Variants in SEMA3A observed in about 807,000 individuals in gnomAD.
SEMA3A encodes semaphorin-3A.
SEMA3A carries 29 observed loss-of-function variants against 97.9 expected under a neutral mutation model. The ratio of observed to expected loss-of-function variants is 0.30; its 90% CI spans 0.22 to 0.40. SEMA3A has a LOEUF of 0.40. Among genes scored for constraint, SEMA3A ranks in the 10% least tolerant of loss-of-function variants. SEMA3A has a pLI of 1.00. For synonymous variants in SEMA3A, 321 were observed against 323.7 expected, an observed-to-expected ratio of 0.99 and a Z score of 0.09; for missense variants, 763 against 951.3, an observed-to-expected ratio of 0.80 and a Z score of 2.60.
intron 3 of SEMA3A, among the ~76,000 whole-genome samples, chr7:84,213,018 C>A (rs1277285861): frequency 2.0e-5 from 3 of 152,122 alleles, no homozygotes; most frequent in Non-Finnish European, 2.9e-5. Context: ...GGCTGGAGTG[C>A]AATGGCTCTA....
intron 12 of SEMA3A, among the ~76,000 whole-genome samples, chr7:83,986,043 C>T (rs888123299): frequency 6.6e-6 from 1 of 152,154 alleles, no homozygotes; most frequent in Non-Finnish European, 1.5e-5. Context: ...TGTGTTTGGA[C>T]ATGATTACAA....
At chr7:84,143,958 C>CTA (rs1270086988) in intron 1 of SEMA3A, among the ~76,000 whole-genome samples, 20 of 135,234 alleles carry the variant, frequency 1.5e-4, no homozygotes, top group African/African-American at 6.0e-4. Flanking sequence ...CTAACACACA[C>CTA]ACACACACAC....
chr7:84,446,018 G>C (rs1434595198), intron 1 of SEMA3A, among the ~76,000 whole-genome samples: 1 of 152,000 alleles, frequency 6.6e-6, no homozygotes, highest in Admixed American at 6.5e-5. Flanking sequence ...AGGAGTGTGG[G>C]AATATTATTA....
chr7:84,406,314 T>C (rs1324968110), intron 1 of SEMA3A, among the ~76,000 whole-genome samples: 2 of 152,114 alleles, frequency 1.3e-5, no homozygotes, highest in African/African-American at 4.8e-5. Flanking sequence ...ATGGATAAAT[T>C]CCTTGACACA....
At chr7:83,968,620 G>A (rs1788800500) in intron 15 of SEMA3A, among the ~76,000 whole-genome samples, 1 of 151,978 alleles carries the variant, frequency 6.6e-6, no homozygotes, top group Non-Finnish European at 1.5e-5. Flanking sequence ...CCGCATGTCT[G>A]TCTTTGTTCT....
chr7:84,379,996 G>A (rs894783237), intron 1 of SEMA3A, among the ~76,000 whole-genome samples: 5 of 152,162 alleles, frequency 3.3e-5, no homozygotes, highest in Admixed American at 2.6e-4. Flanking sequence ...GTGAGATTGA[G>A]TTTAGCATAT....
chr7:84,070,422 T>C (rs1163356599), intron 4 of SEMA3A, among the ~76,000 whole-genome samples: 2 of 152,120 alleles, frequency 1.3e-5, no homozygotes, highest in Non-Finnish European at 2.9e-5. Context: ...TGGCAATAAA[T>C]TTCCTAAATC....
At chr7:84,142,008 A>G (rs2116075723) in intron 1 of SEMA3A, among the ~76,000 whole-genome samples, 1 of 152,308 alleles carries the variant, frequency 6.6e-6, no homozygotes, top group Middle Eastern at 3.4e-3. Flanking sequence ...CCCACACAAG[A>G]CACAAGTGTC....
chr7:84,242,816 C>G (rs1799395950), intron 3 of SEMA3A, among the ~76,000 whole-genome samples: 1 of 152,050 alleles, frequency 6.6e-6, no homozygotes, highest in Non-Finnish European at 1.5e-5. Context: ...TCTATCAATA[C>G]CTAGTTTATT....
chr7:84,190,738 C>A (rs892822156), intron 1 of SEMA3A, among the ~76,000 whole-genome samples: 1 of 147,498 alleles, frequency 6.8e-6, no homozygotes, highest in African/African-American at 2.5e-5. Context: ...AATATATATA[C>A]ACACACACAT....
At chr7:84,119,025 CTTG>C (rs1795519674) in intron 3 of SEMA3A, among the ~76,000 whole-genome samples, 2 of 152,108 alleles carry the variant, frequency 1.3e-5, no homozygotes, top group South Asian at 4.1e-4. Flanking sequence ...TACACACATG[CTTG>C]TTGTAAGAAC....
At chr7:84,327,557 G>A (rs1035320983) in intron 2 of SEMA3A, among the ~76,000 whole-genome samples, 3 of 151,856 alleles carry the variant, frequency 2.0e-5, no homozygotes, top group Admixed American at 6.6e-5. Flanking sequence ...GAATGCATGA[G>A]AGCATGAAAA....
At chr7:84,031,174 G>C (rs768515765) in intron 6 of SEMA3A, among the ~76,000 whole-genome samples, 7 of 151,572 alleles carry the variant, frequency 4.6e-5, no homozygotes, top group Admixed American at 1.3e-4. Context: ...TTGTATTCTA[G>C]TAGAGACAGG....
At chr7:84,366,302 C>T (rs1029678979) in intron 2 of SEMA3A, among the ~76,000 whole-genome samples, 2 of 151,214 alleles carry the variant, frequency 1.3e-5, no homozygotes, top group South Asian at 2.1e-4. Context: ...AGTAGGCCCA[C>T]GAAATACATT....
intron 2 of SEMA3A, among the ~76,000 whole-genome samples, chr7:84,362,073 A>G (rs519663): frequency 0.29 from 43,572 of 151,784 alleles, 6,730 homozygotes; most frequent in African/African-American, 0.38. Flanking sequence ...GAGGTCTGAA[A>G]ACAATCTCTC....
rs1291961307 is a variant in SEMA3A at position 84,321,658 on chromosome 7, TG to T, written c.-168-14367del. On this transcript the variant is annotated intron_variant, in intron 2 of 3. Coordinates refer to the SEMA3A transcript ENST00000424555. ...TTGGGAGGCCAAAGCAGGCAGATCATGGGGTCAGGAGATCGAAACCATCCTG... is the reference window on the plus strand; with the variant it reads ...TTGGGAGGCCAAAGCAGGCAGATCATGGGTCAGGAGATCGAAACCATCCTG... Among the ~76,000 whole-genome samples, 3 of 151,736 alleles carry T rather than the reference TG, an allele frequency of 2.0e-5. 1 individual carries two copies. The highest frequency in any genetic ancestry group is 7.3e-5 in the African/African-American group (3 of 41,314).
intron 4 of SEMA3A, among the ~76,000 whole-genome samples, chr7:84,071,608 A>G (rs1793744707): frequency 6.6e-6 from 1 of 152,154 alleles, no homozygotes; most frequent in Non-Finnish European, 1.5e-5. Flanking sequence ...GCCATGATGC[A>G]CAGTACATTA....
At chr7:83,966,323 T>C (rs1262556136) in intron 15 of SEMA3A, among the ~76,000 whole-genome samples, 4 of 152,158 alleles carry the variant, frequency 2.6e-5, no homozygotes, top group Admixed American at 1.3e-4. Context: ...GATAACAAAT[T>C]GTTTTTAGTT....
intron 2 of SEMA3A, among the ~76,000 whole-genome samples, chr7:84,338,304 A>G (rs1489117537): frequency 6.6e-6 from 1 of 152,068 alleles, no homozygotes; most frequent in Non-Finnish European, 1.5e-5. Context: ...AACTAGAGTA[A>G]TGCAAATCTG....
Sources: gnomAD v4.1 joint callset for allele counts (sites outside exome capture counted in the v4.1 genomes callset) on GRCh38, gnomAD v4.1.1 for gene constraint, MANE v1.5 for transcripts, NCBI Gene and HGNC (gene_info 2026-07-23, HGNC 2026-07-21) for gene names.